The following SGMS1 variants were observed in gnomAD, a reference collection of about 807,000 sequenced individuals.
SGMS1 encodes phosphatidylcholine:ceramide cholinephosphotransferase 1.
SGMS1 carries 13 observed loss-of-function variants against 46.2 expected under a neutral mutation model. That is an observed-to-expected ratio of 0.28 (90% CI 0.18 to 0.45). The LOEUF (loss-of-function observed/expected upper bound fraction) is 0.45, where lower values mean the gene tolerates loss of function less well. Ranked by LOEUF, SGMS1 falls within the 20% of genes least tolerant of loss-of-function variation. The pLI is 1.00. For missense variants in SGMS1, 324 were observed against 519.9 expected, an observed-to-expected ratio of 0.62 and a Z score of 3.66; for synonymous variants, 203 against 187.8, an observed-to-expected ratio of 1.08 and a Z score of -0.66.
At chr10:50,474,552 A>G (rs1210371685) in intron 3 of SGMS1, among the ~76,000 whole-genome samples, 1 of 152,216 alleles carries the variant, frequency 6.6e-6, no homozygotes, top group Non-Finnish European at 1.5e-5. Context: ...TTCTCATTCT[A>G]TTAAATTCAT....
chr10:50,517,260 A>T (rs949766727), intron 3 of SGMS1, among the ~76,000 whole-genome samples: 53 of 152,228 alleles, frequency 3.5e-4, no homozygotes, highest in Admixed American at 1.4e-3. Flanking sequence ...TACTGGCAAT[A>T]TCAAATATAG....
intron 3 of SGMS1, among the ~76,000 whole-genome samples, chr10:50,518,449 G>A (rs924522769): frequency 3.3e-5 from 5 of 152,162 alleles, no homozygotes; most frequent in Admixed American, 1.3e-4. Flanking sequence ...TTTTTGAGAT[G>A]GTGTTTCGCT....
intron 6 of SGMS1, among the ~76,000 whole-genome samples, chr10:50,377,014 C>T (rs1307120653): frequency 6.6e-6 from 1 of 152,198 alleles, no homozygotes; most frequent in Non-Finnish European, 1.5e-5. Context: ...CTTCTTGCAA[C>T]AGTCTCCCTG....
At chr10:50,332,612 T>A (rs12779362) in intron 7 of SGMS1, among the ~76,000 whole-genome samples, 1 of 48,388 alleles carries the variant, frequency 2.1e-5, no homozygotes, top group African/African-American at 1.4e-4. Context: ...TTTTTAAGTC[T>A]TTTTTTTTTT....
chr10:50,571,654 C>T (rs940875336), intron 2 of SGMS1, among the ~76,000 whole-genome samples: 2 of 152,046 alleles, frequency 1.3e-5, no homozygotes, highest in Non-Finnish European at 2.9e-5. Flanking sequence ...AAGCACTAGA[C>T]ATATCTAATG....
intron 1 of SGMS1, among the ~76,000 whole-genome samples, chr10:50,611,918 T>C (rs1038387944): frequency 6.6e-6 from 1 of 152,164 alleles, no homozygotes; most frequent in Non-Finnish European, 1.5e-5. Flanking sequence ...TCAGCCTGTG[T>C]CTGTTAGGGG....
intron 2 of SGMS1, among the ~76,000 whole-genome samples, chr10:50,589,251 A>ACT (rs373266528): frequency 5.3e-5 from 8 of 151,166 alleles, no homozygotes; most frequent in South Asian, 4.2e-4. Flanking sequence ...TAAAGAAATC[A>ACT]CTCTCTCTCT....
At chr10:50,432,506 T>C (rs747924395) in intron 6 of SGMS1, among the ~76,000 whole-genome samples, 1 of 151,642 alleles carries the variant, frequency 6.6e-6, no homozygotes, top group Non-Finnish European at 1.5e-5. Flanking sequence ...CCTGCAAACA[T>C]GACAACCCCT....
At chr10:50,568,044 A>AGG (rs1463245766) in intron 2 of SGMS1, among the ~76,000 whole-genome samples, 2 of 152,226 alleles carry the variant, frequency 1.3e-5, no homozygotes, top group Admixed American at 1.3e-4. Context: ...CTCTAGAAAA[A>AGG]AAGCAGGTGG....
chr10:50,415,399 A>T (rs1849156452), intron 6 of SGMS1, among the ~76,000 whole-genome samples: 1 of 152,086 alleles, frequency 6.6e-6, no homozygotes, highest in South Asian at 2.1e-4. Flanking sequence ...TTGAAAATGG[A>T]CTCTGTGGCA....
intron 6 of SGMS1, among the ~76,000 whole-genome samples, chr10:50,399,803 C>T (rs957733144): frequency 1.3e-5 from 2 of 152,014 alleles, no homozygotes; most frequent in East Asian, 1.9e-4. Context: ...CCGAGGCAGG[C>T]GGATCACGAG....
At chr10:50,315,034 C>T (rs894464380) in intron 8 of SGMS1, among the ~76,000 whole-genome samples, 1 of 152,168 alleles carries the variant, frequency 6.6e-6, no homozygotes, top group African/African-American at 2.4e-5. Flanking sequence ...GCTGTAAATG[C>T]ATTCTCAGGT....
At chr10:50,408,777 G>A (rs1012756863) in intron 6 of SGMS1, among the ~76,000 whole-genome samples, 1 of 152,132 alleles carries the variant, frequency 6.6e-6, no homozygotes, top group Non-Finnish European at 1.5e-5. Flanking sequence ...GGGGGCAGTT[G>A]AGGCAGGAGA....
At chr10:50,417,317 G>A (rs1013971497) in intron 6 of SGMS1, among the ~76,000 whole-genome samples, 3 of 151,912 alleles carry the variant, frequency 2.0e-5, no homozygotes, top group African/African-American at 7.2e-5. Context: ...TAACTCAATT[G>A]GATAAAAATG....
chr10:50,524,555 C>T (rs1354575296), intron 2 of SGMS1, among the ~76,000 whole-genome samples: 1 of 152,162 alleles, frequency 6.6e-6, no homozygotes, highest in East Asian at 1.9e-4. Flanking sequence ...ATAAACTTCA[C>T]TGAGTGCTTT....
intron 6 of SGMS1, among the ~76,000 whole-genome samples, chr10:50,422,264 G>C (rs1849266285): frequency 6.6e-6 from 1 of 152,108 alleles, no homozygotes; most frequent in Non-Finnish European, 1.5e-5. Context: ...TGCATAAATA[G>C]TCATTGTTGT....
At chr10:50,473,116 A>G (rs1837392762) in intron 3 of SGMS1, among the ~76,000 whole-genome samples, 1 of 152,186 alleles carries the variant, frequency 6.6e-6, no homozygotes, top group African/African-American at 2.4e-5. Flanking sequence ...TAGTACTAAC[A>G]TGTTTAGTTT....
intron 2 of SGMS1, among the ~76,000 whole-genome samples, chr10:50,584,498 C>CAAAAAAAAA (rs751224205): frequency 1.4e-5 from 1 of 69,558 alleles, no homozygotes; most frequent in Non-Finnish European, 2.8e-5. Flanking sequence ...GACTCCATCT[C>CAAAAAAAAA]AAAAAAAAAA....
intron 5 of SGMS1, among the ~76,000 whole-genome samples, chr10:50,439,165 C>G (rs1167389114): frequency 6.6e-6 from 1 of 152,134 alleles, no homozygotes; most frequent in Non-Finnish European, 1.5e-5. Context: ...CAATTTTTAT[C>G]TAAGTTTTTC....
Sources: gnomAD v4.1 joint callset for allele counts (sites outside exome capture counted in the v4.1 genomes callset) on GRCh38, gnomAD v4.1.1 for gene constraint, MANE v1.5 for transcripts, NCBI Gene and HGNC (gene_info 2026-07-23, HGNC 2026-07-21) for gene names.